Variants in ACADSB observed in about 807,000 individuals in gnomAD.
The protein encoded by ACADSB is short/branched chain specific acyl-CoA dehydrogenase, mitochondrial.
ACADSB carries 40 observed loss-of-function variants against 54.1 expected under a neutral mutation model. The observed-to-expected ratio is 0.74, with a 90% CI of 0.57 to 0.96. The LOEUF (loss-of-function observed/expected upper bound fraction) is 0.96, where lower values mean the gene tolerates loss of function less well. Ranked by LOEUF, ACADSB falls within the 40% of genes least tolerant of loss-of-function variation. ACADSB has a pLI of 0.00. For synonymous variants in ACADSB, 182 were observed against 182.8 expected, an observed-to-expected ratio of 1.00 and a Z score of 0.03; for missense variants, 530 against 510.4, an observed-to-expected ratio of 1.04 and a Z score of -0.37.
chr10:123,053,235 C>T (rs1229364157), intron 10 of ACADSB, 75 bp downstream of exon 10: 8 of 1,232,312 alleles, frequency 6.5e-6, no homozygotes, highest in Admixed American at 1.9e-5. Context: ...TTTTATTTGT[C>T]GTTTTTTTCC....
chr10:123,049,396 T>C (rs117678443), intron 8 of ACADSB, among the ~76,000 whole-genome samples: 2,203 of 152,296 alleles, frequency 0.014, 27 homozygotes, highest in Non-Finnish European at 0.021. Flanking sequence ...TATTCAGCAA[T>C]GGTGAGTTCT....
At chr10:123,053,205 C>T (rs571105567) in intron 10 of ACADSB, 45 bp downstream of exon 10, 3 of 1,478,356 alleles carry the variant, frequency 2.0e-6, no homozygotes, top group South Asian at 2.3e-5. Flanking sequence ...TTTTATTTGC[C>T]TCTGTAGGTA....
At chr10:123,027,592 T>A (rs1850272411) in intron 1 of ACADSB, 1 of 452,974 alleles carries the variant, frequency 2.2e-6, no homozygotes, top group Non-Finnish European at 4.4e-6. Context: ...CATATGGAAC[T>A]GTAAGTCCAG....
In ACADSB at chr10:123,040,534, G is replaced by T. The variant is rs1226914984; in HGVS notation, c.372G>T (p.Val124=). 1 of 1,614,090 alleles carries T rather than the reference G, an allele frequency of 6.2e-7. No individual in the cohort carries two copies. Among genetic ancestry groups the T allele is most frequent in the African/African-American group, 1.3e-5 (1 of 75,016 alleles). Residue 124 remains valine (V), a synonymous_variant, in exon 4 of 11, where the codon GTG becomes GTT. Coordinates refer to ENST00000358776, the MANE Select transcript of ACADSB (RefSeq NM_001609.4). ...TGASFLSTVL[V]IEELAKVDAS... is the part of the protein sequence containing the mutation. The stretch of plus-strand genomic sequence containing the variant: ...CTTCATTTTTATCCACTGTGCTCGT[G>T]ATAGAGGAATTAGCCAAAGTTGATG...
intron 2 of ACADSB, among the ~76,000 whole-genome samples, chr10:123,035,018 C>A (rs373664781): frequency 6.6e-6 from 1 of 151,228 alleles, no homozygotes; most frequent in Non-Finnish European, 1.5e-5. Flanking sequence ...GGCGCAATCT[C>A]GGCTCACAGC....
In ACADSB at chr10:123,051,123, G is replaced by A. The variant is rs778102958; in HGVS notation, c.1065G>A (p.Arg355=). The A allele has an allele frequency of 3.8e-6, 6 of 1,596,108 alleles. No homozygotes were observed. Among genetic ancestry groups the A allele is most frequent in the Admixed American group, 1.7e-5 (1 of 58,184 alleles). Residue 355 remains arginine, a synonymous_variant, in exon 9 of 11, where the codon AGG becomes AGA. Transcript: ENST00000358776. ...AARLLTYNAA[R]LLEAGKPFIK... is the part of the protein sequence containing the mutation. ...GATTACTAACATACAATGCTGCTAGGCTTTTAGAAGCTGGAAAGCCATTCA... is the reference window on the plus strand; with the variant it reads ...GATTACTAACATACAATGCTGCTAGACTTTTAGAAGCTGGAAAGCCATTCA...
intron 1 of ACADSB, among the ~76,000 whole-genome samples, chr10:123,010,580 A>G (rs1201870228): frequency 6.6e-6 from 1 of 152,166 alleles, no homozygotes; most frequent in Non-Finnish European, 1.5e-5. Flanking sequence ...ATAACCTTGG[A>G]CAGGTTATGC....
At chr10:123,037,632 A>T in intron 2 of ACADSB, 115 bp from the exon 3 acceptor site, 2 of 666,700 alleles carry the variant, frequency 3.0e-6, no homozygotes, top group Non-Finnish European at 5.2e-6. Flanking sequence ...TTTTAAAAAT[A>T]TAAGAAGGGT....
chr10:123,041,371 C>G lies in ACADSB; in HGVS notation c.673C>G (p.Pro225Ala), dbSNP rs756484317. 25 of 1,613,974 alleles carry G rather than the reference C, an allele frequency of 1.5e-5. No homozygotes were observed. Among genetic ancestry groups the G allele is most frequent in the Non-Finnish European group, 2.1e-5 (25 of 1,180,012 alleles). Residue 225 changes from proline (P) to alanine (A), a missense_variant, in exon 5 of 11, where the codon CCT becomes GCT. Physicochemically the swap from Pro to Ala is conservative, Grantham distance 27. Transcript: ENST00000358776. ...GLFLVMANVD[P>A]TIGYKGITSF... The stretch of plus-strand genomic sequence containing the variant: ...CTTTCTGGTGATGGCAAATGTAGAC[C>G]CTACCATTGTAAGTTTGAAAACGAA...
rs1850471244 is a variant in ACADSB at position 123,041,379 on chromosome 10, T to G, written c.681T>G (p.Ile227Met). The G allele has an allele frequency of 6.2e-7, 1 of 1,614,168 alleles. No homozygotes were observed. The highest frequency in any genetic ancestry group is 1.3e-5 in the African/African-American group (1 of 75,054). Residue 227 changes from isoleucine to methionine, a missense_variant and splice_region_variant, in exon 5 of 11, where the codon ATT becomes ATG. By Grantham distance (10) the Ile-to-Met change is conservative. Transcript: ENST00000358776. ...TGATGGCAAATGTAGACCCTACCAT[T>G]GTAAGTTTGAAAACGAAATTTCTTT... ...FLVMANVDPTIGYKGITSFLV... is the reference protein window; with the variant it reads ...FLVMANVDPTMGYKGITSFLV...
In ACADSB at chr10:123,051,041, T is replaced by C. The variant is rs772447595; in HGVS notation, c.991-8T>C. The C allele has an allele frequency of 3.9e-5, 63 of 1,611,566 alleles. No homozygotes were observed. Among genetic ancestry groups the C allele is most frequent in the Non-Finnish European group, 5.2e-5 (61 of 1,179,610 alleles). ...CATAATTCTCTAACTTGGGCCTGAC[T>C]GTTACAGGGCCTCCAACACCAAGTG... On this transcript the variant is annotated splice_region_variant and splice_polypyrimidine_tract_variant and intron_variant, in intron 8 of 10. Coordinates refer to ENST00000358776, the MANE Select transcript of ACADSB (RefSeq NM_001609.4).
chr10:123,013,321 T>C (rs998934079), intron 1 of ACADSB, among the ~76,000 whole-genome samples: 1 of 152,242 alleles, frequency 6.6e-6, no homozygotes, highest in Non-Finnish European at 1.5e-5. Context: ...AGGGTGCTGA[T>C]TGGTGTGTTC....
chr10:123,048,880 C>T (rs554058155), intron 8 of ACADSB, among the ~76,000 whole-genome samples: 1 of 152,256 alleles, frequency 6.6e-6, no homozygotes, highest in African/African-American at 2.4e-5. Context: ...AGGCACCCGC[C>T]ACCACGCCCA....
chr10:123,031,592 G>A (rs1278905631), intron 1 of ACADSB, among the ~76,000 whole-genome samples: 1 of 152,062 alleles, frequency 6.6e-6, no homozygotes, highest in Admixed American at 6.5e-5. Context: ...GCAGTCAAAG[G>A]CCAGGAAAAG....
chr10:123,049,007 C>T (rs929840669), intron 8 of ACADSB, among the ~76,000 whole-genome samples: 1 of 152,152 alleles, frequency 6.6e-6, no homozygotes. Flanking sequence ...TGAGCCACTG[C>T]GCCCAGCCTA....
intron 10 of ACADSB, 88 bp downstream of exon 10, chr10:123,053,248 G>A (rs1850657063): frequency 1.8e-6 from 2 of 1,102,074 alleles, no homozygotes; most frequent in Admixed American, 2.1e-5. Flanking sequence ...TTTTTTCCTA[G>A]GTAAAAGCAA....
At chr10:123,029,574 C>T (rs1419785718) in intron 1 of ACADSB, among the ~76,000 whole-genome samples, 8 of 152,202 alleles carry the variant, frequency 5.3e-5, no homozygotes, top group African/African-American at 1.9e-4. Context: ...CTCTCGCTAA[C>T]TGCATCTTTA....
In ACADSB at chr10:123,054,618, A is replaced by G. The variant is rs1368696316; in HGVS notation, c.*853A>G. The G allele has an allele frequency of 6.6e-6, 1 of 152,222 alleles. No individual in the cohort carries two copies. The highest frequency in any genetic ancestry group is 2.4e-5 in the African/African-American group (1 of 41,450). 9.4% of individuals were successfully genotyped at this position (152,222 alleles called of 1,614,324 possible). A position where few individuals can be genotyped will look rare whatever the true frequency, so the allele number is the denominator to read the frequency against. On this transcript the variant is annotated 3_prime_UTR_variant, in exon 11 of 11. Transcript: ENST00000358776. ...GTGGAAAATAAGGGTATAATTTTGT[A>G]GGTCATATGATTGAAGAAAATATTA...
At position 123,051,193 on chromosome 10, in the gene ACADSB, A is replaced by G. The variant is rs1564754594; in HGVS notation, c.1128+7A>G. On this transcript the variant is annotated splice_region_variant and intron_variant, in intron 9 of 10. Transcript: ENST00000358776. ...CAAATACTATGCATCAGAGGTAAAA[A>G]AAAAAAAAAAAAAAAAAAAGGAAAA... 6.0e-6 allele frequency: 5 copies of G among 830,294 alleles called. No individual in the cohort carries two copies. The highest frequency in any genetic ancestry group is 6.6e-6 in the Non-Finnish European group (4 of 607,544). 51.4% of individuals were successfully genotyped at this position (830,294 alleles called of 1,614,324 possible).
Sources: gnomAD v4.1 joint callset for allele counts (sites outside exome capture counted in the v4.1 genomes callset) on GRCh38, gnomAD v4.1.1 for gene constraint, MANE v1.5 for transcripts, NCBI Gene and HGNC (gene_info 2026-07-23, HGNC 2026-07-21) for gene names.